CLSPN: variants seen among roughly 807,000 people sequenced by gnomAD.
CLSPN encodes claspin.
In CLSPN, 85 loss-of-function variants were observed where a neutral mutation model predicts 156.3. That is an observed-to-expected ratio of 0.54 (90% CI 0.46 to 0.65). The LOEUF is 0.65. Among genes scored for constraint, CLSPN ranks in the 30% least tolerant of loss-of-function variants. CLSPN has a pLI of 0.00. For missense variants in CLSPN, 1,407 were observed against 1,554.9 expected (o/e 0.90, Z 1.60); for synonymous variants, 534 against 542.4 (o/e 0.98, Z 0.22).
At position 35,736,283 on chromosome 1, in the gene CLSPN, G is replaced by T; in HGVS notation, c.*213C>A. 1 of 1,184,466 alleles carries T rather than the reference G, an allele frequency of 8.4e-7. No individual in the cohort carries two copies. The highest frequency in any genetic ancestry group is 1.0e-6 in the Non-Finnish European group (1 of 958,186). 73.4% of individuals were successfully genotyped at this position (1,184,466 alleles called of 1,614,324 possible). A position where few individuals can be genotyped will look rare whatever the true frequency, so the allele number is the denominator to read the frequency against. On this transcript the variant is annotated 3_prime_UTR_variant, in exon 25 of 25. Transcript: ENST00000318121. ...ATGAGTTGTTGATGTTGTAAATACT[G>T]CAGAATTGAAATCAGTGGCCAATTC... is the stretch of plus-strand genomic sequence containing the variant.
Position 35,751,961 on chromosome 1 carries a change from G to A in CLSPN, c.1772-455C>T, listed in dbSNP as rs948188703. Among the ~76,000 whole-genome samples, 5 of 152,152 alleles carry A rather than the reference G, an allele frequency of 3.3e-5. No individual in the cohort carries two copies. In the South Asian group the frequency reaches 6.2e-4, roughly 19 times the overall value. The stretch of plus-strand genomic sequence containing the variant: ...TTGAAGAGCTACAAATCAAAATAAC[G>A]AGATACATTTTCGACATGTTAGCCT... On this transcript the variant is annotated intron_variant, in intron 9 of 24. Coordinates refer to ENST00000318121, the MANE Select transcript of CLSPN (RefSeq NM_022111.4).
At position 35,749,762 on chromosome 1, in the gene CLSPN, T is replaced by G. The variant is rs908924513; in HGVS notation, c.2078A>C (p.Lys693Thr). Residue 693 changes from lysine (K) to threonine (T), a missense_variant, in exon 11 of 25, where the codon AAA becomes ACA. Lys to Thr is a moderately conservative substitution (Grantham distance 78). Transcript: ENST00000318121. ...ATCATTATTTTCTTTATCCATTTCT[T>G]TTTCATCTTTTGTTTCTATTTCTTC... Reference protein sequence around the residue: ...SSEEIETKDEKEMDKENNDGS... With the variant: ...SSEEIETKDETEMDKENNDGS... 3.1e-6 allele frequency: 5 copies of G among 1,613,946 alleles called. No individual in the cohort carries two copies. In the African/African-American group the frequency reaches 6.7e-5, roughly 22 times the overall value.
At chr1:35,764,159 A>C in intron 3 of CLSPN, 107 bp downstream of exon 3, 1 of 692,358 alleles carries the variant, frequency 1.4e-6, no homozygotes, top group African/African-American at 1.8e-5. Context: ...CAAAATAGTC[A>C]ATTCAAAGCA....
At chr1:35,749,916 T>C in intron 10 of CLSPN, 105 bp from the exon 11 acceptor site, 1 of 1,302,082 alleles carries the variant, frequency 7.7e-7, no homozygotes, top group Non-Finnish European at 1.0e-6. Context: ...GATCACATCT[T>C]AAATTCAAAA....
chr1:35,727,097 TTTG>T (rs1392370830), intron 24 of CLSPN, among the ~76,000 whole-genome samples: 6 of 152,172 alleles, frequency 3.9e-5, no homozygotes, highest in Non-Finnish European at 7.4e-5. Context: ...GTCTCCGTTC[TTTG>T]TTGTTCTAAA....
rs1404694048 is a variant in CLSPN, at chr1:35,733,156, C to T, written c.*3340G>A. Among the ~76,000 whole-genome samples the T allele has an allele frequency of 4.6e-5, 7 of 151,874 alleles. No homozygotes were observed. Among genetic ancestry groups the T allele is most frequent in the Admixed American group, 3.3e-4 (5 of 15,234 alleles). Reference sequence around the variant, plus strand: ...CTGATTTTTGTATTTTTAGTAGAGACGGGGTTTCACCTTGTTGGTCAGTCT... The same window carrying T: ...CTGATTTTTGTATTTTTAGTAGAGATGGGGTTTCACCTTGTTGGTCAGTCT... On this transcript the variant is annotated 3_prime_UTR_variant, in exon 25 of 25. Coordinates refer to ENST00000318121, the MANE Select transcript of CLSPN (RefSeq NM_022111.4).
chr1:35,740,940 G>C (rs1458109737), intron 18 of CLSPN, among the ~76,000 whole-genome samples: 1 of 152,172 alleles, frequency 6.6e-6, no homozygotes, highest in African/African-American at 2.4e-5. Context: ...AGCTGTATGA[G>C]AGTTAATTTG....
At position 35,756,488 on chromosome 1, in the gene CLSPN, C is replaced by T. The variant is rs180895940; in HGVS notation, c.1580-2552G>A. Among the ~76,000 whole-genome samples the T allele has an allele frequency of 2.4e-4, 36 of 152,326 alleles. No individual in the cohort carries two copies. In the East Asian group the frequency reaches 6.7e-3, roughly 29 times the overall value. ...TGATGCAACCATCACTGTCTTCATC[C>T]TAAAACCCCTGTTCAAGTTCCTCTA... On this transcript the variant is annotated intron_variant, in intron 8 of 24. Coordinates refer to ENST00000318121, the MANE Select transcript of CLSPN (RefSeq NM_022111.4).
In CLSPN at chr1:35,757,821, C is replaced by T. The variant is rs1394959541; in HGVS notation, c.1579+2521G>A. Among the ~76,000 whole-genome samples the T allele has an allele frequency of 5.3e-5, 8 of 152,338 alleles. No individual in the cohort carries two copies. In the South Asian group the frequency reaches 1.2e-3, roughly 24 times the overall value. ...GAACCTCCAGCCCTGGTCAAAGTGA[C>T]TTTCACATCTTCCCAATACGCACCA... On this transcript the variant is annotated intron_variant, in intron 8 of 24. Coordinates refer to ENST00000318121, the MANE Select transcript of CLSPN (RefSeq NM_022111.4).
At chr1:35,727,136 T>G (rs1309852190), downstream of CLSPN, among the ~76,000 whole-genome samples, 1 of 152,184 alleles carries the variant, frequency 6.6e-6, no homozygotes, top group Non-Finnish European at 1.5e-5. Context: ...ACTAGTGCAT[T>G]CATAGCTTGG....
rs996667803 is a variant in CLSPN at position 35,769,970 on chromosome 1, T to A, written c.-100A>T. ...GCCGTCTCCAGCCCAGCAGTGCTGTTCTTGCTTTCCCGCCCAGCCAGAGTG... is the reference window on the plus strand; with the variant it reads ...GCCGTCTCCAGCCCAGCAGTGCTGTACTTGCTTTCCCGCCCAGCCAGAGTG... On this transcript the variant is annotated 5_prime_UTR_variant, in exon 1 of 25. Coordinates refer to ENST00000318121, the MANE Select transcript of CLSPN (RefSeq NM_022111.4). The A allele has an allele frequency of 1.6e-5, 23 of 1,444,268 alleles. No individual in the cohort carries two copies. Among genetic ancestry groups the A allele is most frequent in the Non-Finnish European group, 2.2e-5 (23 of 1,047,290 alleles). The allele number at this position is 1,444,268 out of a possible 1,614,324, so 89.5% of individuals were successfully genotyped here.
chr1:35,745,693 C>A (rs989431405), intron 15 of CLSPN, 131 bp from the exon 16 acceptor site: 30 of 644,304 alleles, frequency 4.7e-5, no homozygotes, highest in Non-Finnish European at 6.8e-5. Flanking sequence ...ACCATCTATT[C>A]ATTCAACAAA....
At chr1:35,764,760 C>T (rs762981171) in intron 2 of CLSPN, 46 bp from the exon 3 acceptor site, 1 of 1,268,230 alleles carries the variant, frequency 7.9e-7, no homozygotes, top group South Asian at 1.5e-5. Flanking sequence ...TTTGATCTTC[C>T]TCCTAGTCCC....
At chr1:35,740,081 G>T (rs987271777) in intron 18 of CLSPN, among the ~76,000 whole-genome samples, 3 of 152,180 alleles carry the variant, frequency 2.0e-5, no homozygotes, top group African/African-American at 7.2e-5. Context: ...TCTTTTACAT[G>T]TATTAGAATA....
intron 6 of CLSPN, 38 bp from the exon 7 acceptor site, chr1:35,761,242 T>C (rs1437868845): frequency 1.6e-6 from 2 of 1,246,168 alleles, no homozygotes; most frequent in South Asian, 2.6e-5. Flanking sequence ...ATATATACTG[T>C]ATATTCTGAA....
chr1:35,769,942 C>G lies in CLSPN; in HGVS notation c.-72G>C. On this transcript the variant is annotated 5_prime_UTR_variant, in exon 1 of 25. Coordinates refer to ENST00000318121, the MANE Select transcript of CLSPN (RefSeq NM_022111.4). ...TTCCCTCAGCCGGAGAGCAGCGGCTCCCGCCGTCTCCAGCCCAGCAGTGCT... is the reference window on the plus strand; with the variant it reads ...TTCCCTCAGCCGGAGAGCAGCGGCTGCCGCCGTCTCCAGCCCAGCAGTGCT... 1 of 1,557,964 alleles carries G rather than the reference C, an allele frequency of 6.4e-7. No homozygotes were observed. The highest frequency in any genetic ancestry group is 8.8e-7 in the Non-Finnish European group (1 of 1,138,812).
At chr1:35,758,695 A>G (rs548701258) in intron 8 of CLSPN, among the ~76,000 whole-genome samples, 1 of 152,146 alleles carries the variant, frequency 6.6e-6, no homozygotes, top group East Asian at 1.9e-4. Flanking sequence ...ATAATAGTAG[A>G]AGCAGCAACA....
chr1:35,768,411 A>T (rs1266569608), intron 1 of CLSPN, among the ~76,000 whole-genome samples: 3 of 146,356 alleles, frequency 2.0e-5, no homozygotes, highest in Non-Finnish European at 4.5e-5. Context: ...CAAGGTACAA[A>T]TTTTTTTTTT....
chr1:35,730,511 T>C (rs34922730), downstream of CLSPN, among the ~76,000 whole-genome samples: 568 of 130,836 alleles, frequency 4.3e-3, 2 homozygotes, highest in Non-Finnish European at 5.7e-3. Context: ...GAGGTTGCAG[T>C]GAGCCAAGAT....
Sources: gnomAD v4.1 joint callset for allele counts (sites outside exome capture counted in the v4.1 genomes callset) on GRCh38, gnomAD v4.1.1 for gene constraint, MANE v1.5 for transcripts, NCBI Gene and HGNC (gene_info 2026-07-23, HGNC 2026-07-21) for gene names.